Variants in RFX1 observed in about 807,000 individuals in gnomAD.
RFX1 encodes regulatory factor X1, also known as MHC class II regulatory factor RFX1.
RFX1 carries 42 observed loss-of-function variants against 119.6 expected under a neutral mutation model. That is an observed-to-expected ratio of 0.35 (90% CI 0.27 to 0.45). RFX1 has a LOEUF of 0.45. Ranked by LOEUF, RFX1 falls within the 20% of genes least tolerant of loss-of-function variation. RFX1 has a pLI of 1.00. For synonymous variants in RFX1, 628 were observed against 618.5 expected (o/e 1.02, Z -0.23); for missense variants, 1,118 against 1,368.1 (o/e 0.82, Z 2.88).
In RFX1 at chr19:13,963,984, C is replaced by T. The variant is rs1222468375; in HGVS notation, c.2235G>A (p.Ala745=). Residue 745 remains alanine (A), a synonymous_variant, in exon 17 of 21, where the codon GCG becomes GCA. Coordinates refer to ENST00000254325, the MANE Select transcript of RFX1 (RefSeq NM_002918.5). ...GCGACGTGTAGCGCCGCAGTGTCTGCGCGAAGGCGCCAGCCGCGGCCACCT... is the reference window on the plus strand; with the variant it reads ...GCGACGTGTAGCGCCGCAGTGTCTGTGCGAAGGCGCCAGCCGCGGCCACCT... The part of the protein sequence containing the change: ...RVKVAAAGAF[A]QTLRRYTSLN... 4 of 1,536,656 alleles carry T rather than the reference C, an allele frequency of 2.6e-6. No homozygotes were observed. Among genetic ancestry groups the T allele is most frequent in the South Asian group, 2.4e-5 (2 of 83,942 alleles).
In RFX1 at chr19:13,965,583, G is replaced by A; in HGVS notation, c.2114-37C>T. The stretch of plus-strand genomic sequence containing the variant: ...GGCGGGGGTCGGTCAGGGCAGGGCG[G>A]GTGTATGTGGGGCAGGGGATGCCGA... On this transcript the variant is annotated intron_variant, in intron 15 of 20. Transcript: ENST00000254325. This position sits in a 1 kb window ranked among gnomAD's most constrained non-coding sequence, Gnocchi z 4.7. The A allele has an allele frequency of 1.2e-6, 2 of 1,612,484 alleles. No homozygotes were observed. The highest frequency in any genetic ancestry group is 1.7e-6 in the Non-Finnish European group (2 of 1,179,462).
chr19:14,001,903 A>C (rs1188339673), intron 1 of RFX1, among the ~76,000 whole-genome samples: 1 of 152,250 alleles, frequency 6.6e-6, no homozygotes, highest in Non-Finnish European at 1.5e-5. Context: ...TGGGAGGCCA[A>C]AGCGTGTGGA....
At chr19:13,975,183 C>T (rs746542073) in intron 8 of RFX1, among the ~76,000 whole-genome samples, 7 of 151,902 alleles carry the variant, frequency 4.6e-5, no homozygotes, top group Non-Finnish European at 1.0e-4. Context: ...TGATGAAACC[C>T]TCTCTCTACT....
intron 4 of RFX1, 85 bp from the exon 5 acceptor site, chr19:13,982,313 A>G: frequency 2.9e-6 from 2 of 687,266 alleles, no homozygotes; most frequent in East Asian, 3.2e-5. Context: ...GCCAGGTGAC[A>G]TTCTAAGTGC....
At chr19:13,996,812 C>T (rs1222583076) in intron 1 of RFX1, among the ~76,000 whole-genome samples, 2 of 151,282 alleles carry the variant, frequency 1.3e-5, no homozygotes, top group African/African-American at 4.9e-5. Context: ...AACCTCTGCC[C>T]CCACGGGTTC....
At chr19:13,963,778 G>A in intron 17 of RFX1, 32 bp from the exon 18 acceptor site, 3 of 1,511,238 alleles carry the variant, frequency 2.0e-6, no homozygotes, top group Non-Finnish European at 2.6e-6. Flanking sequence ...GGCGCCCGGG[G>A]CTCAGCCGCC....
At chr19:14,003,435 G>C (rs1975280490) in intron 1 of RFX1, among the ~76,000 whole-genome samples, 1 of 148,764 alleles carries the variant, frequency 6.7e-6, no homozygotes. Flanking sequence ...CAGCAAGCGA[G>C]AAGCAAGTCA....
chr19:14,004,252 G>A (rs930363345), intron 1 of RFX1, among the ~76,000 whole-genome samples: 1 of 151,862 alleles, frequency 6.6e-6, no homozygotes, highest in Non-Finnish European at 1.5e-5. Context: ...GCTCACGCCT[G>A]TAATCCCAGC....
At chr19:14,005,613 C>A (rs1310726483) in intron 1 of RFX1, among the ~76,000 whole-genome samples, 4 of 152,234 alleles carry the variant, frequency 2.6e-5, no homozygotes, top group African/African-American at 9.6e-5. Flanking sequence ...AGTCCTGGGA[C>A]AACTGCAAAG....
chr19:13,974,212 G>C (rs1245692409), intron 8 of RFX1, among the ~76,000 whole-genome samples: 1 of 152,128 alleles, frequency 6.6e-6, no homozygotes, highest in East Asian at 1.9e-4. Context: ...GAAGGGGGTG[G>C]GGCTAGAGAA....
chr19:13,997,419 G>A (rs969716241), intron 1 of RFX1, among the ~76,000 whole-genome samples: 1 of 152,266 alleles, frequency 6.6e-6, no homozygotes, highest in Non-Finnish European at 1.5e-5. Flanking sequence ...CCTACCAGGC[G>A]GGGCTGCTGA....
In RFX1 at chr19:13,965,613, G is replaced by T. The variant is rs751905912; in HGVS notation, c.2113+13C>A. On this transcript the variant is annotated intron_variant, in intron 15 of 20. Coordinates refer to ENST00000254325, the MANE Select transcript of RFX1 (RefSeq NM_002918.5). The surrounding 1 kb of genome is among the most constrained non-coding windows in gnomAD (Gnocchi z 4.7). ...ATGTGGGGCAGGGGATGCCGAGCAG[G>T]CCGAGCACTCACTGGGGATGGGCCG... 1.9e-6 allele frequency: 3 copies of T among 1,612,770 alleles called. No homozygotes were observed. In the African/African-American group the frequency reaches 4.0e-5, roughly 22 times the overall value.
intron 5 of RFX1, among the ~76,000 whole-genome samples, chr19:13,981,789 C>T (rs990412952): frequency 2.6e-5 from 4 of 152,196 alleles, no homozygotes; most frequent in African/African-American, 9.6e-5. Context: ...TCCCACCCTC[C>T]GGGGGGAAGA....
At position 13,996,875 on chromosome 19, in the gene RFX1, T is replaced by G. The variant is rs1021301915; in HGVS notation, c.-52-2980A>C. 2.6e-5 allele frequency among the ~76,000 whole-genome samples: 4 copies of G among 152,068 alleles called. No homozygotes were observed. The East Asian group carries it at 7.7e-4, about 29-fold the overall frequency. ...AGTAGCTGCGACTACAGGAGCCTAC[T>G]ACCACATCCAGCTAATTTTCGTGTT... is the stretch of plus-strand genomic sequence containing the variant. On this transcript the variant is annotated intron_variant, in intron 1 of 20. Coordinates refer to ENST00000254325, the MANE Select transcript of RFX1 (RefSeq NM_002918.5).
Position 13,973,088 on chromosome 19 carries a change from G to A in RFX1, c.969C>T (p.Tyr323=). The A allele has an allele frequency of 6.2e-7, 1 of 1,600,972 alleles. No individual in the cohort carries two copies. Among genetic ancestry groups the A allele is most frequent in the Non-Finnish European group, 8.5e-7 (1 of 1,179,876 alleles). ...AGTAGCTGGTGCTTGCCGTCTGCGTGTACAGCGGCGTCTCGGGATAGGAGT... is the reference window on the plus strand; with the variant it reads ...AGTAGCTGGTGCTTGCCGTCTGCGTATACAGCGGCGTCTCGGGATAGGAGT... ...STYSYPETPL[Y]TQTASTSYYE... Residue 323 remains tyrosine, a synonymous_variant, in exon 9 of 21, where the codon TAC becomes TAT. Coordinates refer to ENST00000254325, the MANE Select transcript of RFX1 (RefSeq NM_002918.5).
At chr19:13,971,736 G>A (rs561988788) in intron 9 of RFX1, among the ~76,000 whole-genome samples, 4 of 152,246 alleles carry the variant, frequency 2.6e-5, no homozygotes, top group African/African-American at 4.8e-5. Context: ...TCCGCCAGGC[G>A]TGGTGGCTCA....
intron 1 of RFX1, among the ~76,000 whole-genome samples, chr19:14,000,273 G>A (rs1414214463): frequency 2.0e-5 from 3 of 152,082 alleles, no homozygotes; most frequent in Non-Finnish European, 4.4e-5. Flanking sequence ...ATCATTTGAG[G>A]TCAGGAGTTT....
Position 13,983,197 on chromosome 19 carries a change from A to T in RFX1, c.503T>A (p.Val168Glu), listed in dbSNP as rs1430264647. 2 of 1,574,054 alleles carry T rather than the reference A, an allele frequency of 1.3e-6. No individual in the cohort carries two copies. Among genetic ancestry groups the T allele is most frequent in the Non-Finnish European group, 1.7e-6 (2 of 1,164,082 alleles). ...VSPLQLTNIQ[V>E]PQQALPTQRL... ...GTGCAGCAGCATTACCTGCTGGGGC[A>T]CTTGGATGTTGGTCAGCTGGAGGGG... The change falls in exon 4 of 21, where the codon GTG becomes GAG. Residue 168 changes from valine to glutamate, a missense_variant. Val to Glu is a moderately radical substitution (Grantham distance 121). Transcript: ENST00000254325.
rs888676925 is a variant in RFX1, at chr19:13,980,334, C to T, written c.738+239G>A. On this transcript the variant is annotated intron_variant, in intron 6 of 20. Coordinates refer to ENST00000254325, the MANE Select transcript of RFX1 (RefSeq NM_002918.5). This position sits in a 1 kb window ranked among gnomAD's most constrained non-coding sequence, Gnocchi z 5.1. Reference sequence around the variant, plus strand: ...TCCAAGCGGTTCCCATGGCCCACTACGCCCCAGTCTCCTTCCAGGAGGTTC... The same window carrying T: ...TCCAAGCGGTTCCCATGGCCCACTATGCCCCAGTCTCCTTCCAGGAGGTTC... Among the ~76,000 whole-genome samples, 10 of 152,224 alleles carry T rather than the reference C, an allele frequency of 6.6e-5. No individual in the cohort carries two copies. Among genetic ancestry groups the T allele is most frequent in the Admixed American group, 2.0e-4 (3 of 15,286 alleles).
Sources: allele counts gnomAD v4.1 joint callset (sites outside exome capture counted in the v4.1 genomes callset), GRCh38; gene constraint gnomAD v4.1.1; non-coding constraint Gnocchi (gnomAD v3.1); transcripts MANE v1.5; gene names NCBI Gene and HGNC (gene_info 2026-07-23, HGNC 2026-07-21).